Variants in PRELID2 observed in about 807,000 individuals in gnomAD.
PRELID2 encodes PRELI domain-containing protein 2.
A neutral mutation model predicts 28.4 loss-of-function variants in PRELID2; 25 were observed. That is an observed-to-expected ratio of 0.88 (90% confidence interval 0.64 to 1.23). The LOEUF is 1.23. Ranked by LOEUF, PRELID2 falls within the 50% of genes most tolerant of loss-of-function variation. The pLI is 0.00. For missense variants in PRELID2, 201 were observed against 214.4 expected (o/e 0.94, Z 0.39); for synonymous variants, 76 against 71.6 (o/e 1.06, Z -0.31).
At chr5:145,593,948 A>AT (rs1753266512) in intron 1 of PRELID2, among the ~76,000 whole-genome samples, 1 of 152,170 alleles carries the variant, frequency 6.6e-6, no homozygotes, top group South Asian at 2.1e-4. Context: ...TACTGTTAAA[A>AT]TTTTTAGATT....
chr5:145,405,471 C>T, the PRELID2 span, among the ~76,000 whole-genome samples: 3 of 152,076 alleles, frequency 2.0e-5, no homozygotes, highest in African/African-American at 7.2e-5. Context: ...TTCTTAGAGT[C>T]CACATATAAG....
At chr5:145,700,507 C>T (rs189879783) in intron 1 of PRELID2, among the ~76,000 whole-genome samples, 1 of 152,246 alleles carries the variant, frequency 6.6e-6, no homozygotes, top group East Asian at 1.9e-4. Flanking sequence ...GCCAATATCA[C>T]CAGAATCTCT....
chr5:145,781,461 A>C (rs1472274945), intron 5 of PRELID2, among the ~76,000 whole-genome samples: 2 of 151,962 alleles, frequency 1.3e-5, no homozygotes, highest in African/African-American at 4.8e-5. Flanking sequence ...ATCCAAGCCC[A>C]ATCCTGTAAG....
Position 145,567,966 on chromosome 5 carries a change from C to T in PRELID2, n.71-94651G>A, listed in dbSNP as rs921218937. 2.0e-5 allele frequency among the ~76,000 whole-genome samples: 3 copies of T among 152,154 alleles called. No individual in the cohort carries two copies. In the South Asian group the frequency reaches 6.2e-4, roughly 32 times the overall value. ...ACAATTAGGCTCACTGATATTTCAG[C>T]CTCTCATTTAGACAGACTTGCCCAA... On this transcript the variant is annotated intron_variant and non_coding_transcript_variant, in intron 1 of 2. Coordinates refer to the PRELID2 transcript ENST00000510259.
intron 4 of PRELID2, among the ~76,000 whole-genome samples, chr5:145,817,434 T>TATAA (rs1190886666): frequency 7.4e-6 from 1 of 135,614 alleles, no homozygotes; most frequent in African/African-American, 2.6e-5. Flanking sequence ...TATATATATA[T>TATAA]ATATATATAT....
chr5:145,628,910 A>T (rs1338023656), intron 1 of PRELID2, among the ~76,000 whole-genome samples: 1 of 152,222 alleles, frequency 6.6e-6, no homozygotes, highest in Admixed American at 6.5e-5. Flanking sequence ...AAGCAAGATA[A>T]AAAATGCTTT....
intron 4 of PRELID2, among the ~76,000 whole-genome samples, 162 bp from the exon 5 acceptor site, chr5:145,796,709 TTATAGTTTA>T (rs1307526653): frequency 6.6e-6 from 1 of 152,170 alleles, no homozygotes; most frequent in Non-Finnish European, 1.5e-5. Flanking sequence ...TAAAAGTAAC[TTATAGTTTA>T]TATAATATTA....
At chr5:145,385,192 T>A in the PRELID2 span, among the ~76,000 whole-genome samples, 1 of 152,186 alleles carries the variant, frequency 6.6e-6, no homozygotes, top group East Asian at 1.9e-4. Context: ...GTATTTAAAA[T>A]TTTTTAAATG....
chr5:145,826,253 GC>G, intron 1 of PRELID2: 1 of 860,368 alleles, frequency 1.2e-6, no homozygotes, highest in Non-Finnish European at 1.4e-6. Flanking sequence ...ATAGTGTAAA[GC>G]CCGCAGACAA....
downstream of PRELID2, among the ~76,000 whole-genome samples, chr5:145,469,112 A>C (rs1752029439): frequency 6.6e-6 from 1 of 152,156 alleles, no homozygotes; most frequent in South Asian, 2.1e-4. Context: ...GCTGGGACTA[A>C]GTAGCAGCCC....
At chr5:145,229,819 G>T in the PRELID2 span, 2 of 759,602 alleles carry the variant, frequency 2.6e-6, no homozygotes, top group Non-Finnish European at 2.4e-6. Context: ...GAATTTGTCC[G>T]CCCCTGCATC....
intron 1 of PRELID2, among the ~76,000 whole-genome samples, chr5:145,656,228 C>G (rs1031342107): frequency 6.6e-6 from 1 of 152,022 alleles, no homozygotes; most frequent in Non-Finnish European, 1.5e-5. Flanking sequence ...GTTAGAATGG[C>G]GATCATTAAA....
At position 145,552,749 on chromosome 5, in the gene PRELID2, C is replaced by T. The variant is rs118134972; in HGVS notation, n.71-79434G>A. 1.5e-3 allele frequency among the ~76,000 whole-genome samples: 227 copies of T among 152,266 alleles called. 1 individual carries two copies. Among genetic ancestry groups the T allele is most frequent in the Admixed American group, 2.7e-3 (42 of 15,306 alleles). ...TTTTCTGTTGTTCATCACTGAGAAA[C>T]GTCTTATCAACACAATTGACTGTAT... On this transcript the variant is annotated intron_variant and non_coding_transcript_variant, in intron 1 of 2. Coordinates refer to the PRELID2 transcript ENST00000510259.
At chr5:145,244,987 C>T in the PRELID2 span, among the ~76,000 whole-genome samples, 2 of 152,160 alleles carry the variant, frequency 1.3e-5, no homozygotes, top group Non-Finnish European at 1.5e-5. Flanking sequence ...CAAAGCATCT[C>T]TTTTTGTTCC....
the PRELID2 span, among the ~76,000 whole-genome samples, chr5:145,312,478 C>G: frequency 1.3e-5 from 2 of 152,146 alleles, no homozygotes; most frequent in African/African-American, 4.8e-5. Flanking sequence ...AAACTTTGAT[C>G]CCTTCAGCCA....
chr5:145,679,916 A>C (rs1255202173), intron 1 of PRELID2, among the ~76,000 whole-genome samples: 1 of 151,052 alleles, frequency 6.6e-6, no homozygotes, highest in Non-Finnish European at 1.5e-5. Flanking sequence ...TATACAGTAC[A>C]CATTACTTAT....
At chr5:145,787,598 T>C (rs1752081640) in intron 5 of PRELID2, among the ~76,000 whole-genome samples, 1 of 151,898 alleles carries the variant, frequency 6.6e-6, no homozygotes. Context: ...TAGGGTGCAG[T>C]GGTGCCATCA....
intron 1 of PRELID2, among the ~76,000 whole-genome samples, chr5:145,520,700 T>C (rs1752556700): frequency 6.6e-6 from 1 of 152,178 alleles, no homozygotes; most frequent in Non-Finnish European, 1.5e-5. Context: ...TGTGTCGTAA[T>C]TAATTAATTA....
chr5:145,694,532 T>A (rs1581065342), intron 1 of PRELID2, among the ~76,000 whole-genome samples: 1 of 152,198 alleles, frequency 6.6e-6, no homozygotes, highest in Admixed American at 6.5e-5. Flanking sequence ...AGCTTCAGAC[T>A]TTGCTGGAAA....
Sources: gnomAD v4.1 joint callset for allele counts (sites outside exome capture counted in the v4.1 genomes callset) on GRCh38, gnomAD v4.1.1 for gene constraint, MANE v1.5 for transcripts, NCBI Gene and HGNC (gene_info 2026-07-23, HGNC 2026-07-21) for gene names.